Variants in PDE3A observed in about 807,000 individuals in gnomAD.
PDE3A encodes cGMP-inhibited 3',5'-cyclic phosphodiesterase 3A.
PDE3A carries 43 observed loss-of-function variants against 98.3 expected under a neutral mutation model. That is an observed-to-expected ratio of 0.44 (90% confidence interval 0.34 to 0.56). PDE3A has a LOEUF of 0.56. Among genes scored for constraint, PDE3A ranks in the 20% least tolerant of loss-of-function variants. The probability of loss-of-function intolerance (pLI) is 0.01; values close to 1 mark genes in which losing one functional copy is unlikely to be tolerated. For synonymous variants in PDE3A, 663 were observed against 567.9 expected (o/e 1.17, Z -2.38); for missense variants, 1,427 against 1,440.7 (o/e 0.99, Z 0.15).
Position 20,680,335 on chromosome 12 carries a change from CACA to C in PDE3A, c.*68_*70del. 3 of 1,541,456 alleles carry C rather than the reference CACA, an allele frequency of 1.9e-6. No homozygotes were observed. Among genetic ancestry groups the C allele is most frequent in the African/African-American group, 1.4e-5 (1 of 73,204 alleles). ...TTGTCAAAGACTCTCTTCAAGCCAG[CACA>C]ACATTTAGACACAACACTGTAGAAA... On this transcript the variant is annotated 3_prime_UTR_variant, in exon 16 of 16. Coordinates refer to ENST00000359062, the MANE Select transcript of PDE3A (RefSeq NM_000921.5).
intron 1 of PDE3A, among the ~76,000 whole-genome samples, chr12:20,388,789 C>T (rs960829016): frequency 6.6e-5 from 10 of 151,794 alleles, no homozygotes; most frequent in Admixed American, 3.3e-4. Flanking sequence ...TTGAGTATTC[C>T]CTGCATTTCC....
At chr12:20,662,421 C>A (rs1428393549) in intron 15 of PDE3A, among the ~76,000 whole-genome samples, 2 of 152,176 alleles carry the variant, frequency 1.3e-5, no homozygotes, top group Non-Finnish European at 2.9e-5. Flanking sequence ...ACACCTCCTG[C>A]ATCATTTTGA....
chr12:20,439,954 T>G (rs1280241423), intron 1 of PDE3A, among the ~76,000 whole-genome samples: 1 of 152,186 alleles, frequency 6.6e-6, no homozygotes, highest in Non-Finnish European at 1.5e-5. Flanking sequence ...TTTCCCTACA[T>G]AGTTTGATAC....
At chr12:20,630,206 C>T (rs1419099186) in intron 6 of PDE3A, 79 bp downstream of exon 6, 25 of 1,043,774 alleles carry the variant, frequency 2.4e-5, no homozygotes, top group African/African-American at 6.3e-5. Context: ...CACCAGCCCA[C>T]GCAGCTTGGG....
intron 1 of PDE3A, among the ~76,000 whole-genome samples, chr12:20,441,913 A>C (rs1413753997): frequency 6.6e-6 from 1 of 152,136 alleles, no homozygotes; most frequent in Admixed American, 6.6e-5. Context: ...ATGGTGTGCA[A>C]GGCCTTGCCA....
At chr12:20,586,985 G>T (rs569931049) in intron 2 of PDE3A, among the ~76,000 whole-genome samples, 13 of 152,164 alleles carry the variant, frequency 8.5e-5, no homozygotes, top group Non-Finnish European at 1.6e-4. Flanking sequence ...GCTGTTAATG[G>T]TATTTGCTCA....
intron 2 of PDE3A, among the ~76,000 whole-genome samples, chr12:20,596,441 A>G (rs181526457): frequency 1.3e-5 from 2 of 152,298 alleles, no homozygotes; most frequent in African/African-American, 4.8e-5. Flanking sequence ...GTCTCATAAC[A>G]TTCTGAATAT....
intron 2 of PDE3A, among the ~76,000 whole-genome samples, chr12:20,600,095 A>T (rs1943554196): frequency 6.6e-6 from 1 of 152,144 alleles, no homozygotes; most frequent in South Asian, 2.1e-4. Flanking sequence ...GGCTTTTAAA[A>T]GTTGATATTG....
At chr12:20,532,758 G>C (rs1165506131) in intron 1 of PDE3A, among the ~76,000 whole-genome samples, 4 of 146,434 alleles carry the variant, frequency 2.7e-5, no homozygotes, top group Admixed American at 6.9e-5. Flanking sequence ...GCGCGATCTC[G>C]GCTCACTGCA....
intron 1 of PDE3A, among the ~76,000 whole-genome samples, chr12:20,438,558 C>A (rs910858616): frequency 6.6e-6 from 1 of 152,150 alleles, no homozygotes. Context: ...CAGGCACATA[C>A]TGTGAAGTAG....
chr12:20,601,832 TAA>T (rs1237503778), intron 2 of PDE3A, among the ~76,000 whole-genome samples: 1 of 152,078 alleles, frequency 6.6e-6, no homozygotes, highest in Non-Finnish European at 1.5e-5. Context: ...GCACTTGTTT[TAA>T]AAGAGATGGT....
intron 1 of PDE3A, among the ~76,000 whole-genome samples, chr12:20,383,641 A>C (rs1367408652): frequency 1.3e-5 from 2 of 151,934 alleles, no homozygotes; most frequent in African/African-American, 4.8e-5. Context: ...AGTCCTGTGG[A>C]GTCTCAGTCT....
chr12:20,672,600 A>C (rs1565472612), intron 15 of PDE3A, among the ~76,000 whole-genome samples: 1 of 144,072 alleles, frequency 6.9e-6, no homozygotes, highest in East Asian at 2.1e-4. Flanking sequence ...CAATGGGGAA[A>C]GGATTCCCTA....
At chr12:20,592,110 T>C (rs924869468) in intron 2 of PDE3A, among the ~76,000 whole-genome samples, 1 of 152,138 alleles carries the variant, frequency 6.6e-6, no homozygotes, top group African/African-American at 2.4e-5. Flanking sequence ...AGACAATAAT[T>C]CATAGTCTTA....
chr12:20,654,914 G>T (rs1167329328), intron 15 of PDE3A, among the ~76,000 whole-genome samples: 1 of 152,082 alleles, frequency 6.6e-6, no homozygotes, highest in Non-Finnish European at 1.5e-5. Context: ...CATGTGAATA[G>T]ATAGGAGGTA....
At chr12:20,542,130 T>A (rs11045299) in intron 1 of PDE3A, among the ~76,000 whole-genome samples, 42,382 of 151,842 alleles carry the variant, frequency 0.28, 7,038 homozygotes, top group East Asian at 0.54. Context: ...ATGTTTGGAA[T>A]TTTGTCTTTT....
intron 1 of PDE3A, among the ~76,000 whole-genome samples, chr12:20,452,752 T>A (rs1945088049): frequency 6.6e-6 from 1 of 152,182 alleles, no homozygotes; most frequent in Non-Finnish European, 1.5e-5. Flanking sequence ...GTGGATCATT[T>A]GACTTGAACT....
At chr12:20,624,401 C>T (rs902199867) in intron 5 of PDE3A, among the ~76,000 whole-genome samples, 1 of 152,168 alleles carries the variant, frequency 6.6e-6, no homozygotes, top group Non-Finnish European at 1.5e-5. Flanking sequence ...GGAACAGCCT[C>T]ATATTCCTGT....
At chr12:20,458,114 A>G (rs563105837) in intron 1 of PDE3A, among the ~76,000 whole-genome samples, 7 of 136,258 alleles carry the variant, frequency 5.1e-5, no homozygotes, top group Non-Finnish European at 1.2e-4. Flanking sequence ...TCATCTTCAC[A>G]TAGATGCATT....
Sources: allele counts gnomAD v4.1 joint callset (sites outside exome capture counted in the v4.1 genomes callset), GRCh38; gene constraint gnomAD v4.1.1; transcripts MANE v1.5; gene names NCBI Gene and HGNC (gene_info 2026-07-23, HGNC 2026-07-21).